PEAK1: variants seen among roughly 807,000 people sequenced by gnomAD.
The protein encoded by PEAK1 is pseudopodium enriched atypical kinase 1.
In PEAK1, 54 loss-of-function variants were observed where a neutral mutation model predicts 124.7. The observed-to-expected ratio is 0.43, with a 90% CI of 0.35 to 0.54. PEAK1 has a LOEUF of 0.54. Among genes scored for constraint, PEAK1 ranks in the 20% least tolerant of loss-of-function variants. PEAK1 has a pLI of 0.01. For missense variants in PEAK1, 2,046 were observed against 2,134.5 expected, an observed-to-expected ratio of 0.96 and a Z score of 0.82; for synonymous variants, 719 against 760.0, an observed-to-expected ratio of 0.95 and a Z score of 0.89.
chr15:77,204,650 A>C (rs980185827), intron 6 of PEAK1: 2 of 152,588 alleles, frequency 1.3e-5, no homozygotes, highest in Non-Finnish European at 2.9e-5. Flanking sequence ...AAGGAAGCCA[A>C]TCCCAGCACT....
chr15:77,168,329 G>A (rs2056269911), intron 7 of PEAK1, among the ~76,000 whole-genome samples: 1 of 151,916 alleles, frequency 6.6e-6, no homozygotes, highest in Admixed American at 6.6e-5. Flanking sequence ...TGGCTGGAAT[G>A]GCTGTATGTC....
chr15:77,202,092 G>A (rs2058389823), intron 6 of PEAK1, among the ~76,000 whole-genome samples: 3 of 152,178 alleles, frequency 2.0e-5, no homozygotes, highest in African/African-American at 7.2e-5. Context: ...AAGACTGGGT[G>A]CAGTCTTAGA....
chr15:77,320,651 T>C, intron 2 of PEAK1, among the ~76,000 whole-genome samples: 1 of 152,188 alleles, frequency 6.6e-6, no homozygotes, highest in East Asian at 1.9e-4. Flanking sequence ...TTTATTTATT[T>C]TTTTCCCCCA....
intron 6 of PEAK1, among the ~76,000 whole-genome samples, chr15:77,184,160 T>C (rs1165120365): frequency 2.6e-5 from 4 of 151,896 alleles, no homozygotes; most frequent in Admixed American, 1.3e-4. Flanking sequence ...TTAAACAATA[T>C]AAAAATTGTA....
At chr15:77,363,240 G>C (rs577104349) in intron 2 of PEAK1, among the ~76,000 whole-genome samples, 1 of 152,192 alleles carries the variant, frequency 6.6e-6, no homozygotes, top group Admixed American at 6.5e-5. Flanking sequence ...CACCAGATTT[G>C]GTGCATACCT....
rs185605520 is a variant in PEAK1, at chr15:77,272,199, G to C, written c.-275+11684C>G. Among the ~76,000 whole-genome samples, 234 of 152,122 alleles carry C rather than the reference G, an allele frequency of 1.5e-3. 2 individuals carry two copies. The highest frequency in any genetic ancestry group is 5.2e-3 in the African/African-American group (216 of 41,490). ...AGACAATCTAAGGTCACACCTCAAG[G>C]AGCTAGAGAAAGAAGAACAAACCAA... On this transcript the variant is annotated intron_variant, in intron 5 of 9. Transcript: ENST00000682557.
chr15:77,256,127 G>A (rs1031476479), intron 5 of PEAK1, among the ~76,000 whole-genome samples: 2 of 152,046 alleles, frequency 1.3e-5, no homozygotes, highest in East Asian at 3.9e-4. Context: ...TCAGGATAAA[G>A]AACTATGTAC....
chr15:77,295,027 T>C (rs2063411915), intron 2 of PEAK1, among the ~76,000 whole-genome samples: 2 of 152,200 alleles, frequency 1.3e-5, no homozygotes, highest in African/African-American at 4.8e-5. Context: ...GGCACTGATG[T>C]AAGTCAAGGT....
chr15:77,390,954 T>C (rs183749481), intron 1 of PEAK1, among the ~76,000 whole-genome samples: 1 of 152,230 alleles, frequency 6.6e-6, no homozygotes, highest in Non-Finnish European at 1.5e-5. Context: ...AAAGAAGAAC[T>C]TTTGCCTCTG....
At chr15:77,148,323 A>G (rs535656890) in intron 8 of PEAK1, among the ~76,000 whole-genome samples, 70 of 152,308 alleles carry the variant, frequency 4.6e-4, no homozygotes, top group Non-Finnish European at 8.2e-4. Flanking sequence ...TTAAAACTAT[A>G]TAAGAAATGT....
intron 6 of PEAK1, among the ~76,000 whole-genome samples, chr15:77,182,712 A>C (rs900196963): frequency 7.3e-6 from 1 of 136,944 alleles, no homozygotes; most frequent in African/African-American, 2.6e-5. Context: ...ATTGTGCCAC[A>C]GTACTTCAGC....
chr15:77,242,643 A>T (rs1450801156), intron 6 of PEAK1, among the ~76,000 whole-genome samples: 1 of 152,148 alleles, frequency 6.6e-6, no homozygotes, highest in African/African-American at 2.4e-5. Flanking sequence ...AATTGTTTTT[A>T]GATTTTCCTA....
At chr15:77,172,904 C>T (rs1462460234) in intron 7 of PEAK1, among the ~76,000 whole-genome samples, 1 of 152,086 alleles carries the variant, frequency 6.6e-6, no homozygotes, top group Non-Finnish European at 1.5e-5. Context: ...AGGCACACAC[C>T]ACCATGCCCA....
chr15:77,258,763 T>C (rs2061295388), intron 5 of PEAK1, among the ~76,000 whole-genome samples: 1 of 152,212 alleles, frequency 6.6e-6, no homozygotes, highest in Non-Finnish European at 1.5e-5. Flanking sequence ...CAACACTATG[T>C]TGAATAGGAG....
chr15:77,171,582 T>C (rs2056507919), intron 7 of PEAK1, among the ~76,000 whole-genome samples: 2 of 152,030 alleles, frequency 1.3e-5, no homozygotes, highest in African/African-American at 4.8e-5. Context: ...AAATTACAAC[T>C]AGATGGGAGA....
intron 9 of PEAK1, among the ~76,000 whole-genome samples, chr15:77,117,329 G>T (rs2051479138): frequency 6.6e-6 from 1 of 152,174 alleles, no homozygotes; most frequent in Non-Finnish European, 1.5e-5. Flanking sequence ...CTGGGTCTCA[G>T]TCTCCCTATT....
chr15:77,211,906 CA>C (rs1160591314), intron 6 of PEAK1, among the ~76,000 whole-genome samples: 1 of 145,382 alleles, frequency 6.9e-6, no homozygotes, highest in Non-Finnish European at 1.5e-5. Flanking sequence ...AATTTATATT[CA>C]AAATTTATCA....
At chr15:77,288,923 G>A (rs1284957658) in intron 2 of PEAK1, among the ~76,000 whole-genome samples, 4 of 118,802 alleles carry the variant, frequency 3.4e-5, no homozygotes, top group African/African-American at 1.3e-4. Flanking sequence ...GCAAGACTCC[G>A]TCTCAAAAAA....
At chr15:77,158,768 T>A in intron 7 of PEAK1, 72 bp from the exon 8 acceptor site, 1 of 1,408,128 alleles carries the variant, frequency 7.1e-7, no homozygotes, top group African/African-American at 1.4e-5. Context: ...ATGGAAGGCA[T>A]ATACTTCCCA....
Sources: allele counts gnomAD v4.1 joint callset (sites outside exome capture counted in the v4.1 genomes callset), GRCh38; gene constraint gnomAD v4.1.1; transcripts MANE v1.5; gene names NCBI Gene and HGNC (gene_info 2026-07-23, HGNC 2026-07-21).